Variants in DACH1 observed in about 807,000 individuals in gnomAD.
DACH1 encodes the protein dachshund homolog 1.
A neutral mutation model predicts 54.2 loss-of-function variants in DACH1; 12 were observed. The observed-to-expected ratio is 0.22, with a 90% CI of 0.14 to 0.36. The LOEUF (loss-of-function observed/expected upper bound fraction) is 0.36. DACH1 is among the 10% of genes least tolerant of loss of function. DACH1 has a pLI of 1.00. For missense variants in DACH1, 805 were observed against 929.8 expected (o/e 0.87, Z 1.75); for synonymous variants, 386 against 366.2 (o/e 1.05, Z -0.62).
At chr13:71,860,238 A>G (rs779507209) in intron 1 of DACH1, among the ~76,000 whole-genome samples, 87 of 151,562 alleles carry the variant, frequency 5.7e-4, no homozygotes, top group Admixed American at 9.2e-4. Context: ...ACACACACAC[A>G]CATGCATGCA....
In DACH1 at chr13:71,573,015, A is replaced by G. The variant is rs771075129; in HGVS notation, c.1127-3T>C. On this transcript the variant is annotated splice_polypyrimidine_tract_variant and splice_region_variant and intron_variant, in intron 3 of 10. Coordinates refer to ENST00000613252, the MANE Select transcript of DACH1 (RefSeq NM_080759.6). ...CATCATAAAAGGAAGTTCCAGTCCT[A>G]TAAAAAATGCACATATATCATCATT... is the stretch of plus-strand genomic sequence containing the variant. The G allele has an allele frequency of 6.8e-6, 11 of 1,613,268 alleles. No individual in the cohort carries two copies. Among genetic ancestry groups the G allele is most frequent in the Non-Finnish European group, 9.3e-6 (11 of 1,179,632 alleles).
intron 1 of DACH1, among the ~76,000 whole-genome samples, chr13:71,768,141 A>G (rs929211652): frequency 1.3e-4 from 19 of 151,980 alleles, no homozygotes; most frequent in African/African-American, 4.6e-4. Context: ...CTCCAGTCCC[A>G]GCGATTCAAT....
At chr13:71,761,044 CG>C (rs1382235384) in intron 1 of DACH1, among the ~76,000 whole-genome samples, 1 of 151,130 alleles carries the variant, frequency 6.6e-6, no homozygotes, top group Non-Finnish European at 1.5e-5. Flanking sequence ...TCTTTTACTC[CG>C]GGGCAAGAAC....
chr13:71,820,899 G>GACCT (rs1350567284), intron 1 of DACH1, among the ~76,000 whole-genome samples: 7 of 152,134 alleles, frequency 4.6e-5, no homozygotes, highest in African/African-American at 1.4e-4. Flanking sequence ...CTCTTCTTAT[G>GACCT]ACCTCATCAC....
chr13:71,542,949 G>A (rs1883231304), intron 6 of DACH1, among the ~76,000 whole-genome samples: 1 of 152,108 alleles, frequency 6.6e-6, no homozygotes, highest in South Asian at 2.1e-4. Flanking sequence ...GTCTATGAAA[G>A]CTCTTAGTCT....
chr13:71,775,006 A>G (rs994667299), intron 1 of DACH1, among the ~76,000 whole-genome samples: 3 of 151,792 alleles, frequency 2.0e-5, no homozygotes, highest in African/African-American at 7.3e-5. Context: ...CTCCCCTAGC[A>G]GGGCATAGTG....
At chr13:71,760,913 G>T (rs1885376942) in intron 1 of DACH1, among the ~76,000 whole-genome samples, 1 of 151,652 alleles carries the variant, frequency 6.6e-6, no homozygotes, top group Non-Finnish European at 1.5e-5. Context: ...TTTTGATATG[G>T]CATTTTGAAT....
chr13:71,546,914 C>T (rs1883500771), intron 6 of DACH1, among the ~76,000 whole-genome samples: 2 of 152,096 alleles, frequency 1.3e-5, no homozygotes, highest in Admixed American at 6.6e-5. Context: ...ATTGGGATTA[C>T]TTCAGTTATT....
At chr13:71,499,408 G>A (rs551237700) in intron 6 of DACH1, among the ~76,000 whole-genome samples, 1 of 152,216 alleles carries the variant, frequency 6.6e-6, no homozygotes, top group East Asian at 1.9e-4. Context: ...TGCACAGTAG[G>A]GCCATTAAGT....
intron 1 of DACH1, among the ~76,000 whole-genome samples, chr13:71,745,172 TCTA>T (rs1278573836): frequency 6.6e-6 from 1 of 152,180 alleles, no homozygotes; most frequent in African/African-American, 2.4e-5. Flanking sequence ...AGTCTCTCTG[TCTA>T]CTATTTCTTT....
At chr13:71,705,092 C>T in intron 1 of DACH1, among the ~76,000 whole-genome samples, 1 of 152,086 alleles carries the variant, frequency 6.6e-6, no homozygotes, top group East Asian at 1.9e-4. Context: ...TTTCCTAGCA[C>T]ATATATAAAG....
intron 1 of DACH1, among the ~76,000 whole-genome samples, chr13:71,791,630 C>A (rs889502445): frequency 7.2e-5 from 11 of 152,144 alleles, no homozygotes; most frequent in African/African-American, 2.7e-4. Flanking sequence ...GTGATCCACC[C>A]GCCTTGGCCT....
intron 3 of DACH1, among the ~76,000 whole-genome samples, chr13:71,619,466 C>T (rs1313774621): frequency 6.6e-6 from 1 of 151,736 alleles, no homozygotes; most frequent in Non-Finnish European, 1.5e-5. Flanking sequence ...ATAAAAAATA[C>T]CATCAAATGC....
Position 71,866,613 on chromosome 13 carries a change from T to C in DACH1, c.157A>G (p.Thr53Ala). The C allele has an allele frequency of 7.3e-7, 1 of 1,364,354 alleles. No homozygotes were observed. Among genetic ancestry groups the C allele is most frequent in the East Asian group, 2.8e-5 (1 of 35,904 alleles). The allele number at this position is 1,364,354 out of a possible 1,614,324, so 84.5% of individuals were successfully genotyped here. Residue 53 changes from threonine (T) to alanine (A), a missense_variant, in exon 1 of 11, where the codon ACT (threonine) becomes GCT (alanine). Thr to Ala is a moderately conservative substitution (Grantham distance 58). This residue lies in a region of DACH1 where 305 missense variants were observed against 308.7 expected (regional missense o/e 0.99). Coordinates refer to ENST00000613252, the MANE Select transcript of DACH1 (RefSeq NM_080759.6). Reference sequence around the variant, plus strand: ...GCGATGGGCTCCGGGCGGAACAGAGTTGGCCCAGAGGACGCCGGGGGTCCG... The same window carrying C: ...GCGATGGGCTCCGGGCGGAACAGAGCTGGCCCAGAGGACGCCGGGGGTCCG... ...SIGPPASSGP[T>A]LFRPEPIASA...
chr13:71,539,251 T>C (rs1180777644), intron 6 of DACH1, among the ~76,000 whole-genome samples: 2 of 152,066 alleles, frequency 1.3e-5, no homozygotes, highest in African/African-American at 2.4e-5. Flanking sequence ...AACTTGCATG[T>C]TCTATGGCCC....
chr13:71,857,150 A>G lies in DACH1; in HGVS notation c.848+8772T>C, dbSNP rs192687392. 7.2e-5 allele frequency among the ~76,000 whole-genome samples: 11 copies of G among 151,974 alleles called. No homozygotes were observed. In the East Asian group the frequency reaches 1.9e-3, roughly 27 times the overall value. ...TACAAATAAAATAATTCTTATACAT[A>G]TATTTTTAAACAGAGAATTTAAAGT... On this transcript the variant is annotated intron_variant, in intron 1 of 10. Coordinates refer to ENST00000613252, the MANE Select transcript of DACH1 (RefSeq NM_080759.6).
intron 1 of DACH1, among the ~76,000 whole-genome samples, chr13:71,699,665 G>C (rs60948144): frequency 6.6e-6 from 1 of 152,178 alleles, no homozygotes; most frequent in African/African-American, 2.4e-5. Context: ...TGCTGGACAA[G>C]ATGTTATTGC....
At chr13:71,842,358 T>G (rs576220004) in intron 1 of DACH1, among the ~76,000 whole-genome samples, 90 of 152,106 alleles carry the variant, frequency 5.9e-4, no homozygotes, top group African/African-American at 2.1e-3. Context: ...GTGGATTGCT[T>G]GAGCCCAGAA....
chr13:71,488,197 A>C (rs1260200379), intron 7 of DACH1, among the ~76,000 whole-genome samples: 2 of 152,142 alleles, frequency 1.3e-5, no homozygotes, highest in Non-Finnish European at 2.9e-5. Context: ...GAATTTTTCT[A>C]AAAAGGAGCT....
Sources: gnomAD v4.1 joint callset for allele counts (sites outside exome capture counted in the v4.1 genomes callset) on GRCh38, gnomAD v4.1.1 for gene constraint, gnomAD v4.1.1 regional missense constraint, MANE v1.5 for transcripts, NCBI Gene and HGNC (gene_info 2026-07-23, HGNC 2026-07-21) for gene names.